The following EPHA7 variants were observed in gnomAD, a reference collection of about 807,000 sequenced individuals.
The protein encoded by EPHA7 is EPH receptor A7.
In EPHA7, 25 loss-of-function variants were observed where a neutral mutation model predicts 112.6. The ratio of observed to expected loss-of-function variants is 0.22; its 90% CI spans 0.16 to 0.31. EPHA7 has a LOEUF of 0.31. Among genes scored for constraint, EPHA7 ranks in the 10% least tolerant of loss-of-function variants. The pLI, the probability that EPHA7 is intolerant of heterozygous loss-of-function variation, is 1.00. For missense variants in EPHA7, 962 were observed against 1,212.6 expected (o/e 0.79, Z 3.07); for synonymous variants, 437 against 406.5 (o/e 1.07, Z -0.90).
At chr6:93,320,603 C>G (rs1774021314) in intron 5 of EPHA7, among the ~76,000 whole-genome samples, 1 of 151,900 alleles carries the variant, frequency 6.6e-6, no homozygotes, top group African/African-American at 2.4e-5. Context: ...TTAGTATTCT[C>G]TTTCATGGTT....
chr6:93,403,642 C>T (rs112385887), intron 3 of EPHA7, among the ~76,000 whole-genome samples: 1,494 of 137,586 alleles, frequency 0.011, 20 homozygotes, highest in African/African-American at 0.038. Context: ...ACCTGGGCAA[C>T]ATGGCAACAC....
intron 3 of EPHA7, among the ~76,000 whole-genome samples, chr6:93,393,450 G>A (rs993891941): frequency 2.0e-5 from 3 of 151,660 alleles, no homozygotes; most frequent in African/African-American, 2.4e-5. Context: ...CAAAAAAAAC[G>A]CCTCTCAGAT....
chr6:93,264,066 G>A (rs956667559), intron 8 of EPHA7, 151 bp from the exon 9 acceptor site: 7 of 468,730 alleles, frequency 1.5e-5, no homozygotes, highest in Admixed American at 4.1e-5. Context: ...AGCGATTCAC[G>A]ATTAAAATTG....
At chr6:93,382,043 C>A (rs760454795) in intron 3 of EPHA7, among the ~76,000 whole-genome samples, 2 of 152,174 alleles carry the variant, frequency 1.3e-5, no homozygotes, top group Admixed American at 6.5e-5. Flanking sequence ...GTCAACTGTA[C>A]ACATTATACC....
intron 5 of EPHA7, among the ~76,000 whole-genome samples, chr6:93,316,816 C>A (rs1186597852): frequency 4.6e-5 from 7 of 152,076 alleles, no homozygotes; most frequent in South Asian, 2.1e-4. Context: ...TTATTAGATT[C>A]TCTGAATACA....
At chr6:93,348,008 A>G (rs1418246318) in intron 5 of EPHA7, among the ~76,000 whole-genome samples, 2 of 151,898 alleles carry the variant, frequency 1.3e-5, no homozygotes, top group Non-Finnish European at 2.9e-5. Flanking sequence ...AACACTCTAT[A>G]CTAGGATTTT....
intron 5 of EPHA7, among the ~76,000 whole-genome samples, chr6:93,350,003 C>T (rs1775610969): frequency 6.6e-6 from 1 of 151,704 alleles, no homozygotes. Flanking sequence ...TCATCTGGTA[C>T]ATTATATAAA....
At chr6:93,335,566 G>T (rs1582543961) in intron 5 of EPHA7, among the ~76,000 whole-genome samples, 2 of 152,030 alleles carry the variant, frequency 1.3e-5, no homozygotes, top group Admixed American at 6.6e-5. Context: ...CACCAGCAAA[G>T]ATGTAGAATA....
At chr6:93,338,080 A>G (rs1046416665) in intron 5 of EPHA7, among the ~76,000 whole-genome samples, 1 of 152,064 alleles carries the variant, frequency 6.6e-6, no homozygotes, top group African/African-American at 2.4e-5. Context: ...AAGCCTAAGA[A>G]TATCATCATG....
chr6:93,376,674 T>C (rs1268689593), intron 3 of EPHA7, among the ~76,000 whole-genome samples: 3 of 152,158 alleles, frequency 2.0e-5, no homozygotes, highest in Non-Finnish European at 2.9e-5. Context: ...ATTGTATGCA[T>C]AAATGCATAC....
At chr6:93,387,321 T>C (rs1777657751) in intron 3 of EPHA7, among the ~76,000 whole-genome samples, 1 of 152,096 alleles carries the variant, frequency 6.6e-6, no homozygotes, top group Non-Finnish European at 1.5e-5. Flanking sequence ...TTCCCAATAA[T>C]TTCCTCATCT....
At position 93,266,662 on chromosome 6, in the gene EPHA7, CAG is replaced by C. The variant is rs202145248; in HGVS notation, c.1634-1962_1634-1961del. On this transcript the variant is annotated intron_variant, in intron 7 of 16. Transcript: ENST00000369303. ...AGACTGTCAAATTTCTCTTTACAAA[CAG>C]TGCTCAAGTGACTTCTTTTAGGCTG... 2.5e-3 allele frequency among the ~76,000 whole-genome samples: 378 copies of C among 151,814 alleles called. 1 individual carries two copies. Among genetic ancestry groups the C allele is most frequent in the African/African-American group, 8.3e-3 (344 of 41,468 alleles).
At chr6:93,309,947 T>G (rs2127862574) in intron 5 of EPHA7, among the ~76,000 whole-genome samples, 1 of 152,304 alleles carries the variant, frequency 6.6e-6, no homozygotes, top group South Asian at 2.1e-4. Flanking sequence ...CATGGAGAAT[T>G]AATTTTTAAG....
At chr6:93,341,548 CAG>C (rs1030130354) in intron 5 of EPHA7, among the ~76,000 whole-genome samples, 2 of 151,714 alleles carry the variant, frequency 1.3e-5, no homozygotes, top group Non-Finnish European at 1.5e-5. Context: ...TTATAGAAAA[CAG>C]AGTATATAAC....
intron 3 of EPHA7, among the ~76,000 whole-genome samples, chr6:93,371,890 A>G (rs1272474156): frequency 6.6e-6 from 1 of 152,148 alleles, no homozygotes; most frequent in Non-Finnish European, 1.5e-5. Context: ...CAGTTCAAAG[A>G]TTGCACCCAA....
chr6:93,306,470 G>T (rs1773263110), intron 5 of EPHA7, among the ~76,000 whole-genome samples: 1 of 152,006 alleles, frequency 6.6e-6, no homozygotes, highest in African/African-American at 2.4e-5. Flanking sequence ...AAATGTGTGT[G>T]CATGGCACAG....
At chr6:93,359,874 G>GAGAGAGAGATAGATAGATAGAT (rs1462833873) in intron 3 of EPHA7, among the ~76,000 whole-genome samples, 9 of 127,850 alleles carry the variant, frequency 7.0e-5, no homozygotes, top group African/African-American at 2.7e-4. Context: ...GAGAGAGAGA[G>GAGAGAGAGATAGATAGATAGAT]AGATAGATAG....
chr6:93,332,619 C>G (rs1321397713), intron 5 of EPHA7, among the ~76,000 whole-genome samples: 1 of 151,570 alleles, frequency 6.6e-6, no homozygotes, highest in Non-Finnish European at 1.5e-5. Flanking sequence ...TTATTGTGCA[C>G]ATTGGATTAA....
chr6:93,388,449 G>T lies in EPHA7; in HGVS notation c.832+22052C>A, dbSNP rs73755398. ...AATCGGTGCTTCCTGCTTTACAGAA[G>T]TTATCTAAATGACTTCATTTATATG... On this transcript the variant is annotated intron_variant, in intron 3 of 16. Transcript: ENST00000369303. Among the ~76,000 whole-genome samples, 964 of 152,200 alleles carry T rather than the reference G, an allele frequency of 6.3e-3. 4 individuals are homozygous for T. The highest frequency in any genetic ancestry group is 0.022 in the African/African-American group (915 of 41,558).
Sources: allele counts gnomAD v4.1 joint callset (sites outside exome capture counted in the v4.1 genomes callset), GRCh38; gene constraint gnomAD v4.1.1; transcripts MANE v1.5; gene names NCBI Gene and HGNC (gene_info 2026-07-23, HGNC 2026-07-21).